VWF: variants seen among roughly 807,000 people sequenced by gnomAD.
The protein encoded by VWF is von Willebrand factor.
In VWF, 176 loss-of-function variants were observed where a neutral mutation model predicts 308.6. The observed-to-expected ratio is 0.57, with a 90% CI of 0.50 to 0.65. VWF has a LOEUF of 0.65. Ranked by LOEUF, VWF falls within the 30% of genes least tolerant of loss-of-function variation. VWF has a pLI of 0.00. For synonymous variants in VWF, 1,385 were observed against 1,443.4 expected, an observed-to-expected ratio of 0.96 and a Z score of 0.92; for missense variants, 3,146 against 3,648.2, an observed-to-expected ratio of 0.86 and a Z score of 3.55.
intron 35 of VWF, among the ~76,000 whole-genome samples, chr12:5,994,912 A>T (rs895459133): frequency 2.0e-5 from 3 of 152,178 alleles, no homozygotes; most frequent in Admixed American, 6.5e-5. Context: ...GGGAAGGGCA[A>T]TGCCTTTAAG....
Position 6,121,212 on chromosome 12 carries a change from A to G in VWF, c.182T>C (p.Leu61Pro), listed in dbSNP as rs1306914162. 5 of 1,614,186 alleles carry G rather than the reference A, an allele frequency of 3.1e-6. No individual in the cohort carries two copies. Among genetic ancestry groups the G allele is most frequent in the Non-Finnish European group, 3.4e-6 (4 of 1,180,016 alleles). ...GGAGCGTTTCTGGCAGCCCCCTGCC[A>G]GGAGGTAACTGCAGTATCCCGCAAA... ...YSFAGYCSYL[L>P]AGGCQKRSFS... Residue 61 changes from leucine (L) to proline (P), a missense_variant, in exon 3 of 52, where the codon CTG becomes CCG. Around this residue, in one of 3 missense-constraint regions of VWF, gnomAD observed 1,304 missense variants for 1,353.0 expected, o/e 0.96. Transcript: ENST00000261405.
rs1565386750 is a variant in VWF at position 6,092,634 on chromosome 12, T to TGA, written c.657+2825_657+2826insTC. On this transcript the variant is annotated intron_variant, in intron 6 of 51. Transcript: ENST00000261405. ...GTGAGTGAGAGTGTGTGTGTGTGTG[T>TGA]GTGTGTGTGTGTGTGTGTGTGTGTG... Among the ~76,000 whole-genome samples, 182 of 79,312 alleles carry TGA rather than the reference T, an allele frequency of 2.3e-3. 6 individuals are homozygous for TGA. The highest frequency in any genetic ancestry group is 3.6e-4 in the Non-Finnish European group (15 of 42,020). The allele number at this position is 79,312 out of a possible 152,430, so 52.0% of individuals were successfully genotyped here. A position where few individuals can be genotyped will look rare whatever the true frequency, so the allele number is the denominator to read the frequency against.
intron 16 of VWF, among the ~76,000 whole-genome samples, chr12:6,049,908 T>G (rs908740842): frequency 6.6e-6 from 1 of 152,206 alleles, no homozygotes; most frequent in African/African-American, 2.4e-5. Flanking sequence ...AATCCTCTTT[T>G]TCTTCCTCTT....
At chr12:5,982,821 C>A (rs1336347571) in intron 41 of VWF, among the ~76,000 whole-genome samples, 1 of 151,998 alleles carries the variant, frequency 6.6e-6, no homozygotes, top group African/African-American at 2.4e-5. Context: ...GAAACATTCC[C>A]TCCCCTTGAT....
intron 34 of VWF, among the ~76,000 whole-genome samples, chr12:6,002,046 C>T (rs942025129): frequency 2.6e-5 from 4 of 151,796 alleles, no homozygotes; most frequent in African/African-American, 9.7e-5. Context: ...ATAATAAATA[C>T]ACTACATATC....
chr12:5,991,859 G>A lies in VWF; in HGVS notation c.6758C>T (p.Ala2253Val). The change falls in exon 38 of 52, where the codon GCC (alanine) becomes GTC (valine). Residue 2253 changes from alanine to valine, a missense_variant. Physicochemically the swap from Ala to Val is moderately conservative, Grantham distance 64 (BLOSUM62 0). Coordinates refer to ENST00000261405, the MANE Select transcript of VWF (RefSeq NM_000552.5). ...ATCCTCACCAATGCACTGAGTGCAG[G>A]CCTCTTCAGGGACACAGCTGCCTTC... ...MLEGSCVPEE[A>V]CTQCIGEDGV... The A allele has an allele frequency of 6.2e-7, 1 of 1,614,222 alleles. No individual in the cohort carries two copies. Among genetic ancestry groups the A allele is most frequent in the Middle Eastern group, 1.7e-4 (1 of 6,050 alleles).
At chr12:6,043,751 G>C (rs969702999) in intron 18 of VWF, among the ~76,000 whole-genome samples, 2 of 152,210 alleles carry the variant, frequency 1.3e-5, no homozygotes, top group Non-Finnish European at 2.9e-5. Context: ...GGAATGTTAA[G>C]GGCTGGCCAA....
chr12:6,070,676 G>A (rs1230944147), intron 10 of VWF, among the ~76,000 whole-genome samples: 1 of 152,220 alleles, frequency 6.6e-6, no homozygotes, highest in East Asian at 1.9e-4. Context: ...TCATTGGAAG[G>A]TGGGGCAGAA....
In VWF at chr12:5,981,637, C is replaced by T. The variant is rs938087740; in HGVS notation, c.7287+149G>A. On this transcript the variant is annotated intron_variant, in intron 42 of 51. Coordinates refer to ENST00000261405, the MANE Select transcript of VWF (RefSeq NM_000552.5). The stretch of plus-strand genomic sequence containing the variant: ...CAAGAAGGGAATGCTGGGTAGGATG[C>T]AAATCTTCCATGAGGAGCACATGTT... The T allele has an allele frequency of 2.0e-5, 19 of 954,658 alleles. No homozygotes were observed. The African/African-American group carries it at 2.2e-4, about 11-fold the overall frequency. 59.1% of individuals were successfully genotyped at this position (954,658 alleles called of 1,614,324 possible). A position where few individuals can be genotyped will look rare whatever the true frequency, so the allele number is the denominator to read the frequency against.
At chr12:6,007,892 GGTTA>G (rs1943947602) in intron 34 of VWF, among the ~76,000 whole-genome samples, 1 of 151,994 alleles carries the variant, frequency 6.6e-6, no homozygotes, top group Non-Finnish European at 1.5e-5. Flanking sequence ...GAAATAAAAA[GGTTA>G]GTAAGAGACT....
rs779932077 is a variant in VWF at position 6,057,924 on chromosome 12, C to T, written c.1654G>A (p.Ala552Thr). Residue 552 changes from alanine (A) to threonine (T), a missense_variant, in exon 14 of 52, where the codon GCC (alanine) becomes ACC (threonine). This residue lies in a region of VWF where 1,304 missense variants were observed against 1,353.0 expected (regional missense o/e 0.96). Coordinates refer to ENST00000261405, the MANE Select transcript of VWF (RefSeq NM_000552.5). Reference protein sequence around the residue: ...AEPRVEDFGNAWKLHGDCQDL... With the variant: ...AEPRVEDFGNTWKLHGDCQDL... ...TGGCAGTCCCCGTGCAGCTTCCAGG[C>T]GTTCCCGAAGTCCTCCACCCGGGGC... 17 of 1,613,508 alleles carry T rather than the reference C, an allele frequency of 1.1e-5. No individual in the cohort carries two copies. Among genetic ancestry groups the T allele is most frequent in the Admixed American group, 1.7e-5 (1 of 59,978 alleles).
At position 6,075,442 on chromosome 12, in the gene VWF, TCACA is replaced by T. The variant is rs2136474390; in HGVS notation, c.763_766del (p.Cys255SerfsTer201). ...GGCGCACTCCAGCCCCCCAGCACAC[TCACA>T]CAAAGTCTTCTCACACAGGGCCACA... On this transcript the variant is annotated frameshift_variant, in exon 7 of 52. Coordinates refer to ENST00000261405, the MANE Select transcript of VWF (RefSeq NM_000552.5). LOFTEE classifies it high-confidence loss of function. This position sits in a 1 kb window ranked among gnomAD's most constrained non-coding sequence, Gnocchi z 4.7. 1 of 1,614,092 alleles carries T rather than the reference TCACA, an allele frequency of 6.2e-7. No individual in the cohort carries two copies. The highest frequency in any genetic ancestry group is 8.5e-7 in the Non-Finnish European group (1 of 1,180,000).
At chr12:6,081,063 A>C (rs2136481407) in intron 6 of VWF, among the ~76,000 whole-genome samples, 1 of 152,282 alleles carries the variant, frequency 6.6e-6, no homozygotes, top group Non-Finnish European at 1.5e-5. Context: ...CCCTGCCCAG[A>C]AGGCCCTCCA....
intron 42 of VWF, among the ~76,000 whole-genome samples, chr12:5,978,176 T>C (rs1171689857): frequency 1.3e-5 from 2 of 151,170 alleles, no homozygotes; most frequent in African/African-American, 4.8e-5. Flanking sequence ...AATAGTTATT[T>C]CAAATGACTT....
rs1484353796 is a variant in VWF at position 6,041,689 on chromosome 12, C to T, written c.2442+2602G>A. On this transcript the variant is annotated intron_variant, in intron 18 of 51. Coordinates refer to ENST00000261405, the MANE Select transcript of VWF (RefSeq NM_000552.5). ...GTCTCGATCTCCTGACCTCGTAATCCGCCCGCCTCAGCCTCCCAAAGTGCT... is the reference window on the plus strand; with the variant it reads ...GTCTCGATCTCCTGACCTCGTAATCTGCCCGCCTCAGCCTCCCAAAGTGCT... 3.3e-5 allele frequency among the ~76,000 whole-genome samples: 5 copies of T among 152,094 alleles called. No individual in the cohort carries two copies. The South Asian group carries it at 8.3e-4, about 25-fold the overall frequency.
In VWF at chr12:5,969,311, T is replaced by C. The variant is rs774724224; in HGVS notation, c.7629A>G (p.Gln2543=). The change falls in exon 45 of 52, where the codon CAA becomes CAG. Residue 2543 remains glutamine (Q), a synonymous_variant. Transcript: ENST00000261405. Reference sequence around the variant, plus strand: ...GCTGGGGGCAGGAGACGTTCCTTTGTTGTATAAAGACCTCCTCCTTCACTC... The same window carrying C: ...GCTGGGGGCAGGAGACGTTCCTTTGCTGTATAAAGACCTCCTCCTTCACTC... ...CVRVKEEVFI[Q]QRNVSCPQLE... is the part of the protein sequence containing the mutation. The C allele has an allele frequency of 1.2e-6, 2 of 1,614,040 alleles. No individual in the cohort carries two copies. Among genetic ancestry groups the C allele is most frequent in the Non-Finnish European group, 8.5e-7 (1 of 1,180,032 alleles).
chr12:6,017,309 C>T (rs1170005933), intron 28 of VWF, among the ~76,000 whole-genome samples: 1 of 152,202 alleles, frequency 6.6e-6, no homozygotes, highest in Non-Finnish European at 1.5e-5. Flanking sequence ...GGTGAACATA[C>T]TGTGATTCTT....
At chr12:6,009,356 A>T (rs1057020817) in intron 34 of VWF, among the ~76,000 whole-genome samples, 1 of 151,908 alleles carries the variant, frequency 6.6e-6, no homozygotes, top group African/African-American at 2.4e-5. Flanking sequence ...AACATTACTG[A>T]TCATCAGGGA....
chr12:5,994,017 G>C lies in VWF; in HGVS notation c.6443C>G (p.Ala2148Gly). The C allele has an allele frequency of 6.2e-7, 1 of 1,614,206 alleles. No individual in the cohort carries two copies. ...HCQVLLLPLF[A>G]ECHKVLAPAT... is the part of the protein sequence containing the mutation. The stretch of plus-strand genomic sequence containing the variant: ...TGGAGCCAGGACCTTGTGGCATTCA[G>C]CAAACAGTGGTAAGAGGAGGACCTG... Residue 2148 changes from alanine to glycine, a missense_variant, in exon 37 of 52, where the codon GCT (alanine) becomes GGT (glycine). Ala to Gly is a moderately conservative substitution (Grantham distance 60). Coordinates refer to ENST00000261405, the MANE Select transcript of VWF (RefSeq NM_000552.5).
Sources: gnomAD v4.1 joint callset for allele counts (sites outside exome capture counted in the v4.1 genomes callset) on GRCh38, gnomAD v4.1.1 for gene constraint, gnomAD v4.1.1 regional missense constraint, Gnocchi (gnomAD v3.1) non-coding constraint, MANE v1.5 for transcripts, NCBI Gene and HGNC (gene_info 2026-07-23, HGNC 2026-07-21) for gene names.